The following CEP112 variants were observed in gnomAD, a reference collection of about 807,000 sequenced individuals.
The protein encoded by CEP112 is centrosomal protein of 112 kDa.
CEP112 carries 127 observed loss-of-function variants against 153.0 expected under a neutral mutation model. The observed-to-expected ratio is 0.83, with a 90% confidence interval of 0.72 to 0.96. The LOEUF is 0.96. Among genes scored for constraint, CEP112 ranks in the 40% least tolerant of loss-of-function variants. CEP112 has a pLI of 0.00. For synonymous variants in CEP112, 358 were observed against 374.4 expected, an observed-to-expected ratio of 0.96 and a Z score of 0.51; for missense variants, 1,089 against 1,101.2, an observed-to-expected ratio of 0.99 and a Z score of 0.16.
At chr17:66,175,241 T>G in intron 3 of CEP112, 25 bp from the exon 4 acceptor site, 2 of 1,497,320 alleles carry the variant, frequency 1.3e-6, no homozygotes, top group Non-Finnish European at 1.8e-6. Context: ...TTAGAAAAAT[T>G]ATTCTTTCAA....
intron 12 of CEP112, among the ~76,000 whole-genome samples, chr17:66,035,320 G>A (rs1344980219): frequency 6.6e-6 from 1 of 151,958 alleles, no homozygotes; most frequent in African/African-American, 2.4e-5. Context: ...CTGCACTACT[G>A]GCCAGTCTTT....
At chr17:65,680,803 G>A (rs533568680) in intron 24 of CEP112, among the ~76,000 whole-genome samples, 40 of 152,284 alleles carry the variant, frequency 2.6e-4, no homozygotes, top group Admixed American at 2.3e-3. Context: ...CAATCATGGC[G>A]GAAGGGGAAG....
At chr17:65,895,854 T>C (rs1335458514) in intron 20 of CEP112, among the ~76,000 whole-genome samples, 3 of 152,112 alleles carry the variant, frequency 2.0e-5, no homozygotes, top group Non-Finnish European at 4.4e-5. Flanking sequence ...AGGCTTCATG[T>C]TGGCAGAACA....
At chr17:65,687,671 A>G (rs2047885216) in intron 24 of CEP112, among the ~76,000 whole-genome samples, 1 of 152,210 alleles carries the variant, frequency 6.6e-6, no homozygotes, top group African/African-American at 2.4e-5. Context: ...AAGTCAATTC[A>G]GTAAGTATTA....
At position 66,029,902 on chromosome 17, in the gene CEP112, A is replaced by T; in HGVS notation, c.1340T>A (p.Ile447Lys). Residue 447 changes from isoleucine (I) to lysine (K), a missense_variant, in exon 13 of 27, where the codon ATA becomes AAA. Transcript: ENST00000535342. The stretch of plus-strand genomic sequence containing the variant: ...TACTTCTTGTAATTCACTACACGTT[A>T]TCTGGTAACATCTTTCAAGTTCTGC... ...EKAELERCYQ[I>K]TCSELQEVKA... 5 of 1,613,878 alleles carry T rather than the reference A, an allele frequency of 3.1e-6. No homozygotes were observed. The highest frequency in any genetic ancestry group is 4.2e-6 in the Non-Finnish European group (5 of 1,179,860).
intron 6 of CEP112, among the ~76,000 whole-genome samples, chr17:66,102,626 T>C (rs1371337789): frequency 1.3e-5 from 2 of 151,082 alleles, no homozygotes; most frequent in Admixed American, 6.6e-5. Flanking sequence ...TGAAACCCCG[T>C]CTCTACCAAA....
chr17:65,985,666 G>T (rs754459509), intron 17 of CEP112, among the ~76,000 whole-genome samples: 51 of 152,210 alleles, frequency 3.4e-4, no homozygotes, highest in Non-Finnish European at 5.7e-4. Context: ...AAATGATGAT[G>T]TTTCTGGAGT....
intron 23 of CEP112, among the ~76,000 whole-genome samples, chr17:65,708,551 C>T (rs868429408): frequency 5.9e-5 from 9 of 152,122 alleles, no homozygotes; most frequent in African/African-American, 2.2e-4. Flanking sequence ...TGAGTGTAAT[C>T]GTAGAAGCTT....
intron 4 of CEP112, among the ~76,000 whole-genome samples, chr17:66,146,932 T>C (rs1382803330): frequency 1.3e-5 from 2 of 152,176 alleles, no homozygotes; most frequent in African/African-American, 4.8e-5. Flanking sequence ...ATGTTGCTTC[T>C]ACCTCCTGAC....
intron 19 of CEP112, among the ~76,000 whole-genome samples, chr17:65,919,842 T>C (rs2060636436): frequency 6.6e-6 from 1 of 152,104 alleles, no homozygotes; most frequent in African/African-American, 2.4e-5. Context: ...AAAATATTCC[T>C]CATGGTACCA....
chr17:65,979,873 T>C (rs1471626735), intron 17 of CEP112, among the ~76,000 whole-genome samples: 3 of 152,066 alleles, frequency 2.0e-5, no homozygotes, highest in Admixed American at 1.3e-4. Context: ...AATTGGAACA[T>C]CCTCTGGTAA....
chr17:65,754,068 T>C (rs1238677924), intron 21 of CEP112, among the ~76,000 whole-genome samples: 2 of 152,128 alleles, frequency 1.3e-5, no homozygotes, highest in Non-Finnish European at 2.9e-5. Context: ...CAAAGTAACT[T>C]TGAAAAGTTA....
intron 6 of CEP112, among the ~76,000 whole-genome samples, chr17:66,101,263 ACT>A (rs2068559298): frequency 6.6e-6 from 1 of 152,150 alleles, no homozygotes; most frequent in Non-Finnish European, 1.5e-5. Context: ...TATTTAAGGA[ACT>A]CAGGTAAAGA....
intron 21 of CEP112, among the ~76,000 whole-genome samples, chr17:65,765,874 ACT>A (rs1456024423): frequency 6.6e-6 from 1 of 152,104 alleles, no homozygotes; most frequent in Admixed American, 6.6e-5. Context: ...TATGAAAGTA[ACT>A]CTGTAAAGTT....
chr17:65,998,627 T>G (rs986444117), intron 17 of CEP112, among the ~76,000 whole-genome samples: 1 of 151,868 alleles, frequency 6.6e-6, no homozygotes, highest in African/African-American at 2.4e-5. Flanking sequence ...AATGAGAAAC[T>G]AAGTAAACAG....
chr17:65,949,237 A>T (rs2061739879), intron 18 of CEP112, among the ~76,000 whole-genome samples: 1 of 152,216 alleles, frequency 6.6e-6, no homozygotes, highest in Admixed American at 6.5e-5. Context: ...AAGCCTAGCT[A>T]TAAGGATTAT....
At chr17:66,060,945 G>GA (rs35507620) in intron 11 of CEP112, among the ~76,000 whole-genome samples, 296 of 147,088 alleles carry the variant, frequency 2.0e-3, no homozygotes, top group African/African-American at 6.0e-3. Flanking sequence ...CTTCTGCATG[G>GA]AAAAAAAAAT....
At chr17:65,974,531 A>G (rs2062961247) in intron 17 of CEP112, among the ~76,000 whole-genome samples, 1 of 152,194 alleles carries the variant, frequency 6.6e-6, no homozygotes, top group South Asian at 2.1e-4. Context: ...TATCCCAAAC[A>G]ATACAAAAAT....
chr17:66,139,859 G>C (rs72837155), intron 4 of CEP112, among the ~76,000 whole-genome samples: 306 of 152,230 alleles, frequency 2.0e-3, no homozygotes, highest in Non-Finnish European at 2.9e-3. Flanking sequence ...CCAAACATTT[G>C]AGAAGTGATG....
Sources: allele counts gnomAD v4.1 joint callset (sites outside exome capture counted in the v4.1 genomes callset), GRCh38; gene constraint gnomAD v4.1.1; transcripts MANE v1.5; gene names NCBI Gene and HGNC (gene_info 2026-07-23, HGNC 2026-07-21).